FBXO16: variants seen among roughly 807,000 people sequenced by gnomAD.
The protein encoded by FBXO16 is F-box protein 16, also known as F-box only protein 16.
Under a neutral mutation model 41.0 loss-of-function variants are expected in FBXO16, and 31 were observed. That is an observed-to-expected ratio of 0.76 (90% CI 0.57 to 1.02). FBXO16 has a LOEUF of 1.02. Among genes scored for constraint, FBXO16 ranks in the 50% least tolerant of loss-of-function variants. The pLI is 0.00. For missense variants in FBXO16, 361 were observed against 346.2 expected (o/e 1.04, Z -0.34); for synonymous variants, 133 against 117.8 (o/e 1.13, Z -0.84).
chr8:28,434,984 G>A (rs1044743242), intron 7 of FBXO16, among the ~76,000 whole-genome samples: 4 of 152,214 alleles, frequency 2.6e-5, no homozygotes, highest in Non-Finnish European at 5.9e-5. Flanking sequence ...ATAGCCCAAT[G>A]GACGGCAGCA....
intron 7 of FBXO16, among the ~76,000 whole-genome samples, chr8:28,440,335 C>G (rs1015497469): frequency 6.6e-6 from 1 of 152,074 alleles, no homozygotes; most frequent in Non-Finnish European, 1.5e-5. Context: ...AACTCCTGGC[C>G]TCAAGCCATC....
chr8:28,470,856 T>G (rs1192916440), intron 3 of FBXO16, among the ~76,000 whole-genome samples: 1 of 152,252 alleles, frequency 6.6e-6, no homozygotes, highest in Non-Finnish European at 1.5e-5. Flanking sequence ...TATCATGCAA[T>G]TTGCAAAACA....
At chr8:28,443,633 G>T (rs1173293086) in intron 7 of FBXO16, among the ~76,000 whole-genome samples, 2 of 152,150 alleles carry the variant, frequency 1.3e-5, no homozygotes, top group Non-Finnish European at 2.9e-5. Context: ...TTGAATAGGA[G>T]CTGGGTAAAA....
intron 2 of FBXO16, among the ~76,000 whole-genome samples, chr8:28,479,226 T>A: frequency 6.6e-6 from 1 of 152,094 alleles, no homozygotes. Flanking sequence ...TCCTATGGGG[T>A]CAGTGGAGAC....
At chr8:28,435,072 G>A (rs73574611) in intron 7 of FBXO16, among the ~76,000 whole-genome samples, 2,045 of 152,280 alleles carry the variant, frequency 0.013, 51 homozygotes, top group African/African-American at 0.047. Context: ...AGGCCAGTGT[G>A]ACAACCTTTT....
At chr8:28,451,471 T>C (rs948510912) in intron 6 of FBXO16, among the ~76,000 whole-genome samples, 44 of 151,212 alleles carry the variant, frequency 2.9e-4, no homozygotes, top group African/African-American at 9.7e-4. Flanking sequence ...GTGATCCTCC[T>C]GCCTCGGCCT....
intron 2 of FBXO16, among the ~76,000 whole-genome samples, chr8:28,482,356 T>A (rs923327780): frequency 6.6e-6 from 1 of 152,000 alleles, no homozygotes; most frequent in Admixed American, 6.6e-5. Context: ...GGTGATTGTG[T>A]TTTCCTGAAA....
intron 7 of FBXO16, among the ~76,000 whole-genome samples, chr8:28,440,296 G>T (rs1003222706): frequency 6.6e-6 from 1 of 151,938 alleles, no homozygotes; most frequent in African/African-American, 2.4e-5. Flanking sequence ...CAGAGACAGG[G>T]TCTCACTATG....
intron 1 of FBXO16, among the ~76,000 whole-genome samples, chr8:28,487,365 G>A (rs1034319047): frequency 1.1e-4 from 16 of 150,722 alleles, no homozygotes. Context: ...TCACAGAACA[G>A]ACCATTTGCT....
chr8:28,453,959 T>G lies in FBXO16; in HGVS notation c.508-1483A>C, dbSNP rs1002447059. 1.1e-4 allele frequency among the ~76,000 whole-genome samples: 16 copies of G among 151,408 alleles called. 1 individual carries two copies. Among genetic ancestry groups the G allele is most frequent in the Admixed American group, 3.9e-4 (6 of 15,218 alleles). On this transcript the variant is annotated intron_variant, in intron 5 of 8. Transcript: ENST00000380254. ...AGGGTGGATCACATGAGGTCAGGAG[T>G]TCGAGACCAGTCTGGCCAACATGGT...
At chr8:28,479,150 T>C (rs1803473157) in intron 2 of FBXO16, among the ~76,000 whole-genome samples, 1 of 152,124 alleles carries the variant, frequency 6.6e-6, no homozygotes. Context: ...CTCTTTTCTT[T>C]ATAAATTACC....
chr8:28,447,642 T>C (rs1489827928), intron 6 of FBXO16: 1 of 169,760 alleles, frequency 5.9e-6, no homozygotes, highest in Non-Finnish European at 1.3e-5. Context: ...CATATGTATT[T>C]ACTTGTACTT....
At chr8:28,434,425 A>G (rs1016578642) in intron 7 of FBXO16, among the ~76,000 whole-genome samples, 2 of 152,352 alleles carry the variant, frequency 1.3e-5, no homozygotes, top group Admixed American at 6.5e-5. Context: ...AGTAACAACA[A>G]TGACAGCACC....
chr8:28,465,027 C>T (rs959746309), intron 3 of FBXO16, among the ~76,000 whole-genome samples: 8 of 151,680 alleles, frequency 5.3e-5, no homozygotes, highest in African/African-American at 1.7e-4. Context: ...TAAAAAGGCA[C>T]GTAAAGGAAA....
Position 28,453,822 on chromosome 8 carries a change from G to T in FBXO16, c.508-1346C>A, listed in dbSNP as rs929796833. Among the ~76,000 whole-genome samples, 7 of 151,904 alleles carry T rather than the reference G, an allele frequency of 4.6e-5. 2 individuals are homozygous for T. Among genetic ancestry groups the T allele is most frequent in the African/African-American group, 1.5e-4 (6 of 41,192 alleles). ...CTAGACTAGGCTCTGTGAAAGCAGG[G>T]TTGGGATCTTTCTATGTTTAGCAAT... On this transcript the variant is annotated intron_variant, in intron 5 of 8. Transcript: ENST00000380254.
chr8:28,447,470 T>C (rs1802883415), intron 6 of FBXO16, 197 bp from the exon 7 acceptor site: 1 of 523,080 alleles, frequency 1.9e-6, no homozygotes, highest in Middle Eastern at 5.1e-4. Flanking sequence ...TGCAGTACTA[T>C]GAGCTGCAAA....
intron 3 of FBXO16, among the ~76,000 whole-genome samples, chr8:28,465,959 C>T (rs934227382): frequency 2.0e-5 from 3 of 152,138 alleles, no homozygotes; most frequent in African/African-American, 4.8e-5. Flanking sequence ...CAATGGCCTT[C>T]CATAAATTTT....
chr8:28,428,763 G>A, intron 8 of FBXO16, 27 bp from the exon 9 acceptor site: 1 of 1,491,000 alleles, frequency 6.7e-7, no homozygotes, highest in Non-Finnish European at 8.9e-7. Flanking sequence ...AATCATGAAA[G>A]CGAGGGTTAT....
chr8:28,486,671 A>G (rs1446638022), intron 1 of FBXO16, among the ~76,000 whole-genome samples: 2 of 151,616 alleles, frequency 1.3e-5, no homozygotes, highest in African/African-American at 4.9e-5. Context: ...AAGTAAAAAA[A>G]CCAAAAAATT....
Sources: allele counts gnomAD v4.1 joint callset (sites outside exome capture counted in the v4.1 genomes callset), GRCh38; gene constraint gnomAD v4.1.1; transcripts MANE v1.5; gene names NCBI Gene and HGNC (gene_info 2026-07-23, HGNC 2026-07-21).